AKAP19: variants seen among roughly 807,000 people sequenced by gnomAD.
The protein encoded by AKAP19 is A-kinase anchoring protein 19.
At chr2:190,189,995 G>A in the AKAP19 span, 14 of 152,270 alleles carry the variant, frequency 9.2e-5, no homozygotes, top group South Asian at 2.1e-4. Flanking sequence ...GCCCATAGGC[G>A]GTCTTTTTCA....
the AKAP19 span, among the ~76,000 whole-genome samples, chr2:190,193,749 C>T: frequency 6.7e-3 from 1,021 of 152,176 alleles, 11 homozygotes; most frequent in African/African-American, 0.022. Context: ...TCTATTAGAT[C>T]TTTTTAAAGA....
the AKAP19 span, chr2:190,180,729 C>CCGAG: frequency 2.0e-6 from 2 of 985,208 alleles, no homozygotes; most frequent in Non-Finnish European, 2.4e-6. The surrounding 1 kb of genome is among the most constrained non-coding windows in gnomAD (Gnocchi z 6.8). Flanking sequence ...CGCCCTGGAG[C>CCGAG]CGAGCGCCCT....
the AKAP19 span, among the ~76,000 whole-genome samples, chr2:189,948,651 C>T: frequency 6.6e-6 from 1 of 152,080 alleles, no homozygotes; most frequent in East Asian, 1.9e-4. Flanking sequence ...TGCCTTATGA[C>T]TTTTTCTATT....
At chr2:189,890,091 T>C in the AKAP19 span, among the ~76,000 whole-genome samples, 1 of 152,210 alleles carries the variant, frequency 6.6e-6, no homozygotes, top group Non-Finnish European at 1.5e-5. Context: ...TAAACACTGC[T>C]TTAGTTGTGT....
chr2:189,938,712 T>C, the AKAP19 span, among the ~76,000 whole-genome samples: 2 of 151,812 alleles, frequency 1.3e-5, no homozygotes, highest in Non-Finnish European at 2.9e-5. Context: ...ACTAAAAGAG[T>C]ATAATTGGAC....
the AKAP19 span, among the ~76,000 whole-genome samples, chr2:190,117,854 T>C: frequency 6.6e-6 from 1 of 152,222 alleles, no homozygotes; most frequent in African/African-American, 2.4e-5. Context: ...CTACACTCAC[T>C]GTCTCCTTTC....
At chr2:190,169,457 G>A in the AKAP19 span, among the ~76,000 whole-genome samples, 9 of 152,274 alleles carry the variant, frequency 5.9e-5, 1 homozygote, top group South Asian at 1.5e-3. Flanking sequence ...ATAAAGATAC[G>A]GAAGATTAGG....
the AKAP19 span, among the ~76,000 whole-genome samples, chr2:190,038,998 CTCT>C: frequency 8.1e-5 from 9 of 110,718 alleles, no homozygotes; most frequent in East Asian, 1.2e-3. Flanking sequence ...TTTCTTTCTT[CTCT>C]TCTTCTTCCT....
At chr2:190,062,540 A>G in the AKAP19 span, 2 of 1,613,280 alleles carry the variant, frequency 1.2e-6, no homozygotes, top group Non-Finnish European at 1.7e-6. Context: ...GATCCACTGG[A>G]CCAGCAACAA....
chr2:190,126,890 G>A, the AKAP19 span, among the ~76,000 whole-genome samples: 333 of 152,102 alleles, frequency 2.2e-3, 5 homozygotes, highest in African/African-American at 7.6e-3. Flanking sequence ...TATAGATGTT[G>A]GGAAAGAAGA....
At chr2:190,035,772 A>G in the AKAP19 span, among the ~76,000 whole-genome samples, 1 of 152,216 alleles carries the variant, frequency 6.6e-6, no homozygotes, top group Non-Finnish European at 1.5e-5. Flanking sequence ...GTTGTTGTTC[A>G]GTTGTATTCC....
At chr2:189,927,331 G>A in the AKAP19 span, among the ~76,000 whole-genome samples, 4 of 152,200 alleles carry the variant, frequency 2.6e-5, no homozygotes, top group East Asian at 5.8e-4. Context: ...TGGTCAGAGA[G>A]TGAATAGTTT....
At chr2:190,016,835 T>G in the AKAP19 span, among the ~76,000 whole-genome samples, 12 of 152,226 alleles carry the variant, frequency 7.9e-5, no homozygotes, top group Non-Finnish European at 1.5e-4. Context: ...TTCAATATTT[T>G]CTAATTAATT....
chr2:190,199,843 C>T, the AKAP19 span: 11 of 1,609,036 alleles, frequency 6.8e-6, no homozygotes, highest in African/African-American at 1.3e-5. Context: ...GCTTCCTCCA[C>T]AAACAGCTCT....
chr2:190,192,268 TG>T, the AKAP19 span, among the ~76,000 whole-genome samples: 1 of 152,146 alleles, frequency 6.6e-6, no homozygotes, highest in African/African-American at 2.4e-5. Flanking sequence ...CATATTTTTA[TG>T]GGTGTATCTC....
chr2:189,946,734 A>G, the AKAP19 span, among the ~76,000 whole-genome samples: 3 of 152,102 alleles, frequency 2.0e-5, no homozygotes, highest in Non-Finnish European at 2.9e-5. Context: ...TCTTCAAATA[A>G]AGATTTTAAA....
At chr2:189,980,684 C>T in the AKAP19 span, among the ~76,000 whole-genome samples, 11 of 151,996 alleles carry the variant, frequency 7.2e-5, no homozygotes, top group Middle Eastern at 3.4e-3. Flanking sequence ...ACATTTTGTA[C>T]GTTGATTTTG....
At chr2:189,935,311 TAC>T in the AKAP19 span, among the ~76,000 whole-genome samples, 1 of 151,904 alleles carries the variant, frequency 6.6e-6, no homozygotes, top group African/African-American at 2.4e-5. Flanking sequence ...TGCAAAAAGA[TAC>T]AAAGTGAATC....
the AKAP19 span, among the ~76,000 whole-genome samples, chr2:190,000,688 T>C: frequency 6.6e-6 from 1 of 152,226 alleles, no homozygotes. Flanking sequence ...TTCAGCACTT[T>C]GAATTTGTCA....
Sources: allele counts gnomAD v4.1 joint callset (sites outside exome capture counted in the v4.1 genomes callset), GRCh38; gene constraint gnomAD v4.1.1; non-coding constraint Gnocchi (gnomAD v3.1); transcripts MANE v1.5; gene names NCBI Gene and HGNC (gene_info 2026-07-23, HGNC 2026-07-21).